The following EFHC1 variants were observed in gnomAD, a reference collection of about 807,000 sequenced individuals.
EFHC1 encodes EF-hand domain containing 1.
A neutral mutation model predicts 69.9 loss-of-function variants in EFHC1; 53 were observed. The ratio of observed to expected loss-of-function variants is 0.76; its 90% CI spans 0.61 to 0.95. EFHC1 has a LOEUF of 0.95. Among genes scored for constraint, EFHC1 ranks in the 40% least tolerant of loss-of-function variants. The probability of loss-of-function intolerance (pLI) is 0.00; values close to 1 mark genes in which losing one functional copy is unlikely to be tolerated. For synonymous variants in EFHC1, 256 were observed against 278.4 expected (o/e 0.92, Z 0.80); for missense variants, 739 against 798.7 (o/e 0.93, Z 0.90).
At chr6:52,474,972 C>T (rs975531874) in intron 7 of EFHC1, among the ~76,000 whole-genome samples, 8 of 149,318 alleles carry the variant, frequency 5.4e-5, no homozygotes, top group African/African-American at 1.2e-4. Flanking sequence ...AAAATTCTTT[C>T]GGCTGTGCAT....
At chr6:52,439,633 G>A (rs1288621985) in intron 3 of EFHC1, among the ~76,000 whole-genome samples, 1 of 152,118 alleles carries the variant, frequency 6.6e-6, no homozygotes, top group Non-Finnish European at 1.5e-5. Context: ...CAGCAATGGA[G>A]GAAAATAAAG....
At chr6:52,431,170 GT>G (rs199768969) in intron 2 of EFHC1, among the ~76,000 whole-genome samples, 4 of 151,010 alleles carry the variant, frequency 2.6e-5, no homozygotes, top group East Asian at 1.9e-4. Context: ...TTTATCTTTT[GT>G]TTTTTTTGTT....
At chr6:52,427,399 C>T (rs2113969599) in intron 2 of EFHC1, among the ~76,000 whole-genome samples, 2 of 152,210 alleles carry the variant, frequency 1.3e-5, no homozygotes, top group Non-Finnish European at 2.9e-5. Context: ...TTTGAAAATT[C>T]CAATTCAGGG....
rs571301239 is a variant in EFHC1 at position 52,490,336 on chromosome 6, T to C, written c.1837T>C (p.Ser613Pro). The change falls in exon 10 of 11, where the codon TCC (serine) becomes CCC (proline). Residue 613 changes from serine to proline, a missense_variant. Transcript: ENST00000371068. ...ATCGCTTAACGTCCCAGTGGATGAC[T>C]CCTTGGTTAAGGAGGTCAGTATGAA... ...CESLNVPVDD[S>P]LVKELIRMCS... 1.2e-6 allele frequency: 2 copies of C among 1,614,040 alleles called. No homozygotes were observed. Among genetic ancestry groups the C allele is most frequent in the East Asian group, 2.2e-5 (1 of 44,892 alleles).
chr6:52,479,336 G>T, intron 8 of EFHC1, 86 bp downstream of exon 8: 1 of 1,427,478 alleles, frequency 7.0e-7, no homozygotes. Context: ...CCTGTAAGAG[G>T]CAATTAGATT....
intron 2 of EFHC1, 27 bp downstream of exon 2, chr6:52,424,194 C>G: frequency 6.2e-7 from 1 of 1,604,808 alleles, no homozygotes; most frequent in South Asian, 1.1e-5. Flanking sequence ...TAGGGTACCC[C>G]TTGAATTAGG....
chr6:52,421,693 T>A (rs1764194670), intron 1 of EFHC1, among the ~76,000 whole-genome samples: 1 of 152,250 alleles, frequency 6.6e-6, no homozygotes. Flanking sequence ...ATCGAAAGTT[T>A]GGTGAGAGAA....
chr6:52,457,702 C>G (rs2065144), intron 5 of EFHC1, among the ~76,000 whole-genome samples: 28,989 of 152,140 alleles, frequency 0.19, 3,238 homozygotes, highest in Admixed American at 0.34. Context: ...GCTTTCTACT[C>G]AGCTCTTGAA....
rs116338308 is a variant in EFHC1, at chr6:52,453,046, G to A, written c.723+209G>A. ...TTCATATGGAGATCCAAAGAAGATC[G>A]TGGAGTTGCGGAGTTGTTTTGTGAA... On this transcript the variant is annotated intron_variant, in intron 4 of 10. Coordinates refer to ENST00000371068, the MANE Select transcript of EFHC1 (RefSeq NM_018100.4). 1,693 of 1,515,462 alleles carry A rather than the reference G, an allele frequency of 1.1e-3. 18 individuals carry two copies. In the African/African-American group the frequency reaches 0.02, roughly 17 times the overall value. 93.9% of individuals were successfully genotyped at this position (1,515,462 alleles called of 1,614,324 possible).
chr6:52,444,842 T>G (rs1764744376), intron 3 of EFHC1, among the ~76,000 whole-genome samples: 3 of 152,214 alleles, frequency 2.0e-5, no homozygotes, highest in African/African-American at 7.2e-5. Flanking sequence ...TTCTATTGAT[T>G]GGAATAGTTT....
At chr6:52,467,097 G>T (rs1765322721) in intron 6 of EFHC1, among the ~76,000 whole-genome samples, 1 of 151,880 alleles carries the variant, frequency 6.6e-6, no homozygotes, top group Admixed American at 6.6e-5. Flanking sequence ...TCAGTTAATA[G>T]ATAAGGATGG....
intron 1 of EFHC1, among the ~76,000 whole-genome samples, chr6:52,421,223 T>C (rs927887406): frequency 3.9e-5 from 6 of 152,220 alleles, no homozygotes; most frequent in African/African-American, 1.2e-4. Flanking sequence ...CCAAAGCATC[T>C]TTCCCTGCTT....
intron 9 of EFHC1, chr6:52,482,784 G>C (rs1765707670): frequency 2.5e-6 from 1 of 398,494 alleles, no homozygotes; most frequent in East Asian, 3.6e-5. Context: ...ATGTTGATAG[G>C]TTTGCCTTCA....
At chr6:52,469,591 A>C in intron 7 of EFHC1, 118 bp downstream of exon 7, 1 of 1,440,974 alleles carries the variant, frequency 6.9e-7, no homozygotes, top group Non-Finnish European at 9.6e-7. Flanking sequence ...GACTCAACCA[A>C]CCATTGTATC....
At chr6:52,446,519 G>A (rs1764790535) in intron 3 of EFHC1, among the ~76,000 whole-genome samples, 1 of 152,066 alleles carries the variant, frequency 6.6e-6, no homozygotes, top group Non-Finnish European at 1.5e-5. Flanking sequence ...TATCCAATTT[G>A]CCAGTCTGTG....
At position 52,479,710 on chromosome 6, in the gene EFHC1, C is replaced by G. The variant is rs2114024468; in HGVS notation, c.1563C>G (p.Ala521=). Residue 521 remains alanine (A), a synonymous_variant, in exon 9 of 11, where the codon GCC becomes GCG. Coordinates refer to ENST00000371068, the MANE Select transcript of EFHC1 (RefSeq NM_018100.4). The part of the protein sequence containing the change: ...YVLKYMESNA[A]QYSPEALASI... ...TGAAATACATGGAGAGCAACGCTGC[C>G]CAGTATTCACCAGAAGCACTCGCGT... 1 of 1,614,156 alleles carries G rather than the reference C, an allele frequency of 6.2e-7. No individual in the cohort carries two copies. The highest frequency in any genetic ancestry group is 8.5e-7 in the Non-Finnish European group (1 of 1,180,042).
rs1765271296 is a variant in EFHC1, at chr6:52,465,066, A to G, written c.1088A>G (p.Asp363Gly). The change falls in exon 6 of 11, where the codon GAT (aspartate) becomes GGT (glycine). Residue 363 changes from aspartate to glycine, a missense_variant. Physicochemically the swap from Asp to Gly is moderately conservative, Grantham distance 94. Transcript: ENST00000371068. ...RYYKEKFGIT[D>G]LPRIDVSKRE... ...TACAAAGAGAAGTTTGGAATCACTG[A>G]TTTACCACGTATTGATGTGAGCAAG... 39 of 1,614,116 alleles carry G rather than the reference A, an allele frequency of 2.4e-5. No homozygotes were observed. The highest frequency in any genetic ancestry group is 3.3e-5 in the Non-Finnish European group (39 of 1,180,042).
intron 9 of EFHC1, among the ~76,000 whole-genome samples, chr6:52,480,815 G>A (rs1266788): frequency 0.69 from 104,274 of 152,068 alleles, 36,155 homozygotes; most frequent in East Asian, 0.9. Flanking sequence ...TAGGCCAGTG[G>A]GGGTGGCTGA....
At position 52,479,695 on chromosome 6, in the gene EFHC1, G is replaced by C. The variant is rs973650043; in HGVS notation, c.1548G>C (p.Met516Ile). 1 of 1,614,072 alleles carries C rather than the reference G, an allele frequency of 6.2e-7. No individual in the cohort carries two copies. The highest frequency in any genetic ancestry group is 1.3e-5 in the African/African-American group (1 of 74,916). ...CAGACGAGTATGTTTTGAAATACAT[G>C]GAGAGCAACGCTGCCCAGTATTCAC... ...LDTDEYVLKYMESNAAQYSPE... is the reference protein window; with the variant it reads ...LDTDEYVLKYIESNAAQYSPE... Residue 516 changes from methionine (M) to isoleucine (I), a missense_variant, in exon 9 of 11, where the codon ATG (methionine) becomes ATC (isoleucine). Transcript: ENST00000371068.
Sources: allele counts gnomAD v4.1 joint callset (sites outside exome capture counted in the v4.1 genomes callset), GRCh38; gene constraint gnomAD v4.1.1; transcripts MANE v1.5; gene names NCBI Gene and HGNC (gene_info 2026-07-23, HGNC 2026-07-21).